The following ITSN2 variants were observed in gnomAD, a reference collection of about 807,000 sequenced individuals.
ITSN2 encodes the protein intersectin-2.
ITSN2 carries 156 observed loss-of-function variants against 243.7 expected under a neutral mutation model. The observed-to-expected ratio is 0.64, with a 90% CI of 0.56 to 0.73. The LOEUF is 0.73. ITSN2 is among the 30% of genes least tolerant of loss of function. The probability of loss-of-function intolerance (pLI) is 0.00; values close to 1 mark genes in which losing one functional copy is unlikely to be tolerated. For missense variants in ITSN2, 1,801 were observed against 1,996.1 expected, an observed-to-expected ratio of 0.90 and a Z score of 1.86; for synonymous variants, 703 against 699.9, an observed-to-expected ratio of 1.00 and a Z score of -0.07.
intron 22 of ITSN2, among the ~76,000 whole-genome samples, chr2:24,259,867 ATT>A (rs1328462977): frequency 1.3e-5 from 2 of 152,038 alleles, no homozygotes; most frequent in Non-Finnish European, 2.9e-5. Flanking sequence ...CTTTACAGTT[ATT>A]TATATGTCTG....
In ITSN2 at chr2:24,301,174, T is replaced by C. The variant is rs1319260162; in HGVS notation, c.1061A>G (p.Glu354Gly). The change falls in exon 11 of 40, where the codon GAG becomes GGG. Residue 354 changes from glutamate to glycine, a missense_variant. Physicochemically the swap from Glu to Gly is moderately conservative, Grantham distance 98. Around this residue, in one of 5 missense-constraint regions of ITSN2, gnomAD observed 787 missense variants for 803.9 expected, o/e 0.98. Coordinates refer to ENST00000355123, the MANE Select transcript of ITSN2 (RefSeq NM_006277.3). ...GATACCTGGTAATTTCTTCTGAGGC[T>C]CCTCTTCTTGCATTTTCTGATATGA... ...LPSYQKMQEE[E>G]PQKKLPVTFE... The C allele has an allele frequency of 1.2e-6, 2 of 1,605,444 alleles. No homozygotes were observed. Among genetic ancestry groups the C allele is most frequent in the South Asian group, 2.2e-5 (2 of 90,092 alleles).
intron 17 of ITSN2, among the ~76,000 whole-genome samples, chr2:24,276,169 G>A (rs1264490141): frequency 6.6e-6 from 1 of 152,000 alleles, no homozygotes; most frequent in Non-Finnish European, 1.5e-5. Flanking sequence ...AAATATGGGG[G>A]AATAATTTGC....
intron 25 of ITSN2, 39 bp downstream of exon 25, chr2:24,252,306 C>A: frequency 1.4e-6 from 2 of 1,407,606 alleles, no homozygotes; most frequent in Non-Finnish European, 2.0e-6. Flanking sequence ...AAGTATAAAC[C>A]TGATTAACCA....
At chr2:24,291,958 T>C (rs913555187) in intron 15 of ITSN2, among the ~76,000 whole-genome samples, 1 of 152,346 alleles carries the variant, frequency 6.6e-6, no homozygotes, top group Admixed American at 6.5e-5. Context: ...ACTATGATTG[T>C]ACCATCCTGG....
At chr2:24,348,236 G>A (rs374362094) in intron 1 of ITSN2, among the ~76,000 whole-genome samples, 9 of 142,926 alleles carry the variant, frequency 6.3e-5, no homozygotes, top group Admixed American at 2.9e-4. Context: ...GTGCAGTGGC[G>A]CGATATCAGC....
At chr2:24,288,435 T>C (rs1278787529) in intron 15 of ITSN2, among the ~76,000 whole-genome samples, 1 of 152,166 alleles carries the variant, frequency 6.6e-6, no homozygotes, top group Non-Finnish European at 1.5e-5. Context: ...AAAATATGTA[T>C]ACATTGTAAA....
At position 24,218,796 on chromosome 2, in the gene ITSN2, A is replaced by G. The variant is rs1670190932; in HGVS notation, c.3700-783T>C. Among the ~76,000 whole-genome samples the G allele has an allele frequency of 3.3e-5, 5 of 152,366 alleles. No homozygotes were observed. In the South Asian group the frequency reaches 1.0e-3, roughly 32 times the overall value. Reference sequence around the variant, plus strand: ...GATTCTAAATCTAAGTTTCAACTGCATAACTGAGATTCCTAGGGAATGACT... The same window carrying G: ...GATTCTAAATCTAAGTTTCAACTGCGTAACTGAGATTCCTAGGGAATGACT... On this transcript the variant is annotated intron_variant, in intron 30 of 39. Coordinates refer to ENST00000355123, the MANE Select transcript of ITSN2 (RefSeq NM_006277.3).
chr2:24,314,411 TTAACAC>T (rs1489550517), intron 3 of ITSN2, among the ~76,000 whole-genome samples: 1 of 152,204 alleles, frequency 6.6e-6, no homozygotes, highest in Non-Finnish European at 1.5e-5. Flanking sequence ...AAAGCCCAGA[TTAACAC>T]TAACCATCTT....
chr2:24,239,317 T>C lies in ITSN2; in HGVS notation c.3577+6812A>G, dbSNP rs190488415. On this transcript the variant is annotated intron_variant, in intron 29 of 39. Coordinates refer to ENST00000355123, the MANE Select transcript of ITSN2 (RefSeq NM_006277.3). ...ACTTTTCTTTCCCCCAGTTTCTTTCTTTTAAACTACAGTATTTATATTTTA... is the reference window on the plus strand; with the variant it reads ...ACTTTTCTTTCCCCCAGTTTCTTTCCTTTAAACTACAGTATTTATATTTTA... The C allele has an allele frequency of 1.2e-4, 19 of 152,506 alleles. 1 individual carries two copies. Among genetic ancestry groups the C allele is most frequent in the Admixed American group, 1.1e-3 (17 of 15,294 alleles). The allele number at this position is 152,506 out of a possible 1,614,324, so 9.4% of individuals were successfully genotyped here.
rs1460452158 is a variant in ITSN2, at chr2:24,203,630, A to G, written c.5090T>C (p.Leu1697Pro). ...TGGTGCTGTCCTTTAGAACCCCTACAGGAGAGTTTTTTGCTCAAAAAGCTG... is the reference window on the plus strand; with the variant it reads ...TGGTGCTGTCCTTTAGAACCCCTACGGGAGAGTTTTTTGCTCAAAAAGCTG... The part of the protein sequence containing the change: ...DLQLFEQKTL[L>P] The change falls in exon 40 of 40, where the codon CTG becomes CCG. Residue 1697 changes from leucine to proline, a missense_variant. Physicochemically the swap from Leu to Pro is moderately conservative, Grantham distance 98. Transcript: ENST00000355123. 3 of 1,613,670 alleles carry G rather than the reference A, an allele frequency of 1.9e-6. No homozygotes were observed. Among genetic ancestry groups the G allele is most frequent in the Admixed American group, 1.7e-5 (1 of 59,958 alleles).
chr2:24,250,660 C>T (rs1167388814), intron 25 of ITSN2, among the ~76,000 whole-genome samples: 2 of 152,118 alleles, frequency 1.3e-5, no homozygotes, highest in Admixed American at 6.6e-5. Context: ...AACTGTTCAC[C>T]GATAGGGCTT....
At chr2:24,218,142 T>C (rs1670139351) in intron 30 of ITSN2, 129 bp from the exon 31 acceptor site, 2 of 625,578 alleles carry the variant, frequency 3.2e-6, no homozygotes, top group African/African-American at 1.8e-5. Flanking sequence ...AAACTGAAGC[T>C]AATCATCCAA....
intron 30 of ITSN2, chr2:24,220,652 G>A: frequency 8.0e-7 from 1 of 1,250,534 alleles, no homozygotes; most frequent in Non-Finnish European, 1.0e-6. Context: ...CCTTGATGGG[G>A]CTCCTGCCAC....
intron 39 of ITSN2, 53 bp from the exon 40 acceptor site, chr2:24,203,836 A>G: frequency 3.3e-6 from 5 of 1,537,058 alleles, no homozygotes; most frequent in Non-Finnish European, 4.4e-6. Context: ...TAAAATCATT[A>G]AAGAGCTACA....
intron 1 of ITSN2, among the ~76,000 whole-genome samples, chr2:24,342,152 A>G (rs1687102243): frequency 6.6e-6 from 1 of 152,236 alleles, no homozygotes; most frequent in East Asian, 1.9e-4. Context: ...GAAGCAGAAG[A>G]AAGAGCGATT....
Position 24,275,766 on chromosome 2 carries a change from T to G in ITSN2, c.2028A>C (p.Glu676Asp). 1 of 1,612,238 alleles carries G rather than the reference T, an allele frequency of 6.2e-7. No individual in the cohort carries two copies. The highest frequency in any genetic ancestry group is 2.2e-5 in the East Asian group (1 of 44,772). Reference protein sequence around the residue: ...KIKRDKLKEIERKRLELMQKK... With the variant: ...KIKRDKLKEIDRKRLELMQKK... ...TCTGCATTAGTTCTAATCTTTTCCT[T>G]TCAATTTCCTTCAACTTGTCACGTT... The change falls in exon 18 of 40, where the codon GAA becomes GAC. Residue 676 changes from glutamate to aspartate, a missense_variant. Glu to Asp is a conservative substitution (Grantham distance 45). Coordinates refer to ENST00000355123, the MANE Select transcript of ITSN2 (RefSeq NM_006277.3).
rs1490740709 is a variant in ITSN2, at chr2:24,317,661, C to T, written c.32-2437G>A. Reference sequence around the variant, plus strand: ...CAGATTGACAGATTAAAGACACCCTCCTGGGGCTACAAATTGAAAACAAAT... The same window carrying T: ...CAGATTGACAGATTAAAGACACCCTTCTGGGGCTACAAATTGAAAACAAAT... On this transcript the variant is annotated intron_variant, in intron 2 of 39. Coordinates refer to ENST00000355123, the MANE Select transcript of ITSN2 (RefSeq NM_006277.3). 2.6e-5 allele frequency among the ~76,000 whole-genome samples: 4 copies of T among 152,226 alleles called. No homozygotes were observed. The South Asian group carries it at 6.2e-4, about 24-fold the overall frequency.
At chr2:24,274,719 G>A (rs902387885) in intron 18 of ITSN2, among the ~76,000 whole-genome samples, 1 of 152,170 alleles carries the variant, frequency 6.6e-6, no homozygotes, top group Non-Finnish European at 1.5e-5. Flanking sequence ...TGTGTTGGAG[G>A]TGGCTACTTT....
At chr2:24,221,160 G>T in intron 29 of ITSN2, 94 bp from the exon 30 acceptor site, 1 of 1,353,430 alleles carries the variant, frequency 7.4e-7, no homozygotes, top group Non-Finnish European at 1.0e-6. Flanking sequence ...TACAAATGCT[G>T]CTTTGAAAGA....
Sources: allele counts gnomAD v4.1 joint callset (sites outside exome capture counted in the v4.1 genomes callset), GRCh38; gene constraint gnomAD v4.1.1; regional missense constraint gnomAD v4.1.1; transcripts MANE v1.5; gene names NCBI Gene and HGNC (gene_info 2026-07-23, HGNC 2026-07-21).